SORCS1: variants seen among roughly 807,000 people sequenced by gnomAD.
SORCS1 encodes the protein sortilin related VPS10 domain containing receptor 1, also known as VPS10 domain-containing receptor SorCS1.
A neutral mutation model predicts 146.1 loss-of-function variants in SORCS1; 60 were observed. The observed-to-expected ratio is 0.41, with a 90% CI of 0.33 to 0.51. The LOEUF is 0.51. Ranked by LOEUF, SORCS1 falls within the 20% of genes least tolerant of loss-of-function variation. SORCS1 has a pLI of 0.21. For missense variants in SORCS1, 1,352 were observed against 1,487.6 expected (o/e 0.91, Z 1.50); for synonymous variants, 637 against 584.0 (o/e 1.09, Z -1.31).
intron 6 of SORCS1, among the ~76,000 whole-genome samples, chr10:106,710,834 G>T (rs1854925772): frequency 6.6e-6 from 1 of 152,046 alleles, no homozygotes. Context: ...TCAGGAAGTT[G>T]GCCAAACTTT....
chr10:106,718,771 G>T (rs917854006), intron 6 of SORCS1, among the ~76,000 whole-genome samples: 1 of 152,146 alleles, frequency 6.6e-6, no homozygotes, highest in African/African-American at 2.4e-5. Flanking sequence ...CAAACCTTTG[G>T]CTAGACACAG....
chr10:106,643,816 C>G (rs1308607326), intron 18 of SORCS1, among the ~76,000 whole-genome samples: 1 of 152,246 alleles, frequency 6.6e-6, no homozygotes, highest in Non-Finnish European at 1.5e-5. Flanking sequence ...AACCAGGCCT[C>G]TGTCCCTGAA....
At chr10:106,623,044 G>T (rs1207159029) in intron 19 of SORCS1, among the ~76,000 whole-genome samples, 1 of 152,084 alleles carries the variant, frequency 6.6e-6, no homozygotes, top group Admixed American at 6.6e-5. Context: ...GTCCACCCCA[G>T]GGCCTTTGCT....
intron 3 of SORCS1, among the ~76,000 whole-genome samples, chr10:106,802,136 G>A (rs1946934566): frequency 6.6e-6 from 1 of 152,144 alleles, no homozygotes; most frequent in Non-Finnish European, 1.5e-5. Flanking sequence ...ACAGAAAGTT[G>A]CATATGGAGA....
intron 9 of SORCS1, among the ~76,000 whole-genome samples, chr10:106,696,273 T>G: frequency 6.6e-6 from 1 of 152,324 alleles, no homozygotes; most frequent in East Asian, 1.9e-4. Context: ...ATTTATGGAT[T>G]TTCTTACTTC....
intron 1 of SORCS1, among the ~76,000 whole-genome samples, chr10:107,119,491 T>A (rs1396928401): frequency 6.6e-6 from 1 of 152,246 alleles, no homozygotes; most frequent in African/African-American, 2.4e-5. Context: ...TTACTGTGGC[T>A]GAGGCTTTGA....
At chr10:106,849,551 G>A (rs1472158024) in intron 2 of SORCS1, among the ~76,000 whole-genome samples, 128 of 150,764 alleles carry the variant, frequency 8.5e-4, no homozygotes, top group Admixed American at 3.9e-3. Flanking sequence ...GTAGCTCAGA[G>A]TAATTTGATC....
chr10:106,945,778 C>G (rs1327579211), intron 2 of SORCS1, among the ~76,000 whole-genome samples: 1 of 152,190 alleles, frequency 6.6e-6, no homozygotes, highest in Non-Finnish European at 1.5e-5. Flanking sequence ...GTGGGGAACT[C>G]AGCAGGGTGT....
chr10:106,883,097 G>A (rs187297575), intron 2 of SORCS1, among the ~76,000 whole-genome samples: 22 of 152,288 alleles, frequency 1.4e-4, no homozygotes, highest in African/African-American at 5.3e-4. Context: ...CATCCAGTAT[G>A]TTTTCCTCAC....
At chr10:106,865,194 G>C (rs140542633) in intron 2 of SORCS1, among the ~76,000 whole-genome samples, 127 of 152,200 alleles carry the variant, frequency 8.3e-4, no homozygotes, top group Admixed American at 1.2e-3. Flanking sequence ...CCCTGATCCA[G>C]TTCCTCTTCA....
chr10:107,023,825 A>T (rs573691496), intron 1 of SORCS1, among the ~76,000 whole-genome samples: 2 of 152,344 alleles, frequency 1.3e-5, no homozygotes, highest in African/African-American at 4.8e-5. Context: ...TGGTCAGAGG[A>T]TCAGCCACAT....
intron 2 of SORCS1, among the ~76,000 whole-genome samples, chr10:106,852,629 A>C (rs1401559844): frequency 7.9e-6 from 1 of 127,016 alleles, no homozygotes; most frequent in East Asian, 3.3e-4. Flanking sequence ...CCCTGTCTCA[A>C]AAAAAAAAAA....
intron 1 of SORCS1, among the ~76,000 whole-genome samples, chr10:106,986,953 G>A (rs1956504083): frequency 1.3e-5 from 2 of 152,180 alleles, no homozygotes; most frequent in South Asian, 4.1e-4. Flanking sequence ...CTATCTTCAG[G>A]TTGGTTTCTC....
chr10:107,156,977 G>A (rs1969332613), intron 1 of SORCS1, among the ~76,000 whole-genome samples: 1 of 152,176 alleles, frequency 6.6e-6, no homozygotes, highest in African/African-American at 2.4e-5. Context: ...GGTAATTTCA[G>A]TGGTTTAAAC....
intron 2 of SORCS1, among the ~76,000 whole-genome samples, chr10:106,945,140 G>A (rs187138328): frequency 3.0e-4 from 45 of 151,798 alleles, no homozygotes; most frequent in African/African-American, 8.7e-4. Context: ...TACCTGCCTC[G>A]GCCTCCCAAA....
At chr10:107,030,808 C>T (rs1230678027) in intron 1 of SORCS1, among the ~76,000 whole-genome samples, 1 of 152,012 alleles carries the variant, frequency 6.6e-6, no homozygotes, top group Non-Finnish European at 1.5e-5. Context: ...GAAAGCTATA[C>T]TAGAAGGAAA....
At chr10:106,955,964 T>A (rs760535529) in intron 2 of SORCS1, among the ~76,000 whole-genome samples, 2 of 148,962 alleles carry the variant, frequency 1.3e-5, no homozygotes, top group African/African-American at 5.0e-5. Flanking sequence ...CCCATCTCTA[T>A]CAAAAATACA....
chr10:106,777,390 C>G (rs1291957515), intron 3 of SORCS1, among the ~76,000 whole-genome samples: 1 of 152,136 alleles, frequency 6.6e-6, no homozygotes, highest in Non-Finnish European at 1.5e-5. Flanking sequence ...AGATGAATTC[C>G]CAGCAGCTAG....
intron 22 of SORCS1, among the ~76,000 whole-genome samples, chr10:106,608,432 T>C (rs2133391593): frequency 6.6e-6 from 1 of 152,354 alleles, no homozygotes; most frequent in South Asian, 2.1e-4. Context: ...TATTTGTTTT[T>C]GAACTCCACT....
Sources: gnomAD v4.1 joint callset for allele counts (sites outside exome capture counted in the v4.1 genomes callset) on GRCh38, gnomAD v4.1.1 for gene constraint, MANE v1.5 for transcripts, NCBI Gene and HGNC (gene_info 2026-07-23, HGNC 2026-07-21) for gene names.